DGKB: variants seen among roughly 807,000 people sequenced by gnomAD.
DGKB encodes 90 kDa diacylglycerol kinase.
In DGKB, 67 loss-of-function variants were observed where a neutral mutation model predicts 114.3. That is an observed-to-expected ratio of 0.59 (90% CI 0.48 to 0.72). DGKB has a LOEUF of 0.72. Among genes scored for constraint, DGKB ranks in the 30% least tolerant of loss-of-function variants. DGKB has a pLI of 0.00. For synonymous variants in DGKB, 398 were observed against 323.1 expected (o/e 1.23, Z -2.49); for missense variants, 907 against 975.2 (o/e 0.93, Z 0.93).
At chr7:14,306,842 G>C (rs769565000) in intron 23 of DGKB, among the ~76,000 whole-genome samples, 1 of 152,106 alleles carries the variant, frequency 6.6e-6, no homozygotes, top group Non-Finnish European at 1.5e-5. Flanking sequence ...TTCATGCTAC[G>C]ATGCTTTTGG....
intron 2 of DGKB, among the ~76,000 whole-genome samples, chr7:14,804,366 C>G (rs1264940099): frequency 6.6e-6 from 1 of 151,904 alleles, no homozygotes; most frequent in African/African-American, 2.4e-5. Context: ...TTTGCAGTTT[C>G]AGCATGATAG....
chr7:14,391,083 C>T (rs1821231646), intron 21 of DGKB, among the ~76,000 whole-genome samples: 1 of 152,074 alleles, frequency 6.6e-6, no homozygotes, highest in African/African-American at 2.4e-5. Flanking sequence ...AGTTTGTATT[C>T]AATTTGATAC....
intron 20 of DGKB, among the ~76,000 whole-genome samples, chr7:14,529,069 TA>T (rs1208134890): frequency 6.6e-6 from 1 of 151,634 alleles, no homozygotes; most frequent in Non-Finnish European, 1.5e-5. Context: ...ATTTTCTTCC[TA>T]AAATAATGAA....
At chr7:14,677,284 T>C (rs1820037762) in intron 12 of DGKB, among the ~76,000 whole-genome samples, 1 of 151,898 alleles carries the variant, frequency 6.6e-6, no homozygotes, top group East Asian at 1.9e-4. Context: ...TAAGTGTTCA[T>C]AGGAATTTAG....
chr7:14,755,253 A>C, intron 3 of DGKB, among the ~76,000 whole-genome samples: 1 of 152,102 alleles, frequency 6.6e-6, no homozygotes, highest in East Asian at 1.9e-4. Context: ...TTTTTTCTCT[A>C]TTAAAATAGA....
At chr7:14,392,997 T>TTTTG (rs1194161555) in intron 21 of DGKB, among the ~76,000 whole-genome samples, 3 of 87,586 alleles carry the variant, frequency 3.4e-5, no homozygotes, top group Non-Finnish European at 7.6e-5. Flanking sequence ...TTGTTTTTGT[T>TTTTG]TTTTTTTTTT....
At chr7:14,189,227 G>A (rs1783946680) in intron 23 of DGKB, among the ~76,000 whole-genome samples, 1 of 152,060 alleles carries the variant, frequency 6.6e-6, no homozygotes, top group Non-Finnish European at 1.5e-5. Context: ...AATGGCAAAG[G>A]AACACACCAC....
chr7:14,691,174 C>A (rs943286067), intron 9 of DGKB, among the ~76,000 whole-genome samples: 1 of 152,092 alleles, frequency 6.6e-6, no homozygotes, highest in Non-Finnish European at 1.5e-5. Flanking sequence ...AAATGTTGTG[C>A]CTTACATTAG....
At chr7:14,730,141 C>T (rs1024680230) in intron 5 of DGKB, among the ~76,000 whole-genome samples, 2 of 152,134 alleles carry the variant, frequency 1.3e-5, no homozygotes, top group Admixed American at 1.3e-4. Context: ...TACTATATTA[C>T]GTCCTATTTT....
At chr7:14,403,333 A>G (rs946716129) in intron 21 of DGKB, among the ~76,000 whole-genome samples, 1 of 151,902 alleles carries the variant, frequency 6.6e-6, no homozygotes, top group Non-Finnish European at 1.5e-5. Context: ...CCTCTAGCTT[A>G]TACAGGCATG....
intron 23 of DGKB, among the ~76,000 whole-genome samples, chr7:14,248,124 T>A (rs547866061): frequency 6.6e-6 from 1 of 152,242 alleles, no homozygotes; most frequent in East Asian, 1.9e-4. Flanking sequence ...CCTGATTATG[T>A]GTTCTTGGCA....
chr7:14,928,850 C>A (rs2128249978), intron 1 of DGKB, among the ~76,000 whole-genome samples: 1 of 151,978 alleles, frequency 6.6e-6, no homozygotes, highest in South Asian at 2.1e-4. Flanking sequence ...ATCTGAGTCT[C>A]CATTGTCTAT....
At chr7:14,542,824 A>T (rs902122365) in intron 20 of DGKB, among the ~76,000 whole-genome samples, 24 of 152,292 alleles carry the variant, frequency 1.6e-4, no homozygotes, top group African/African-American at 5.8e-4. Flanking sequence ...TTGTTACTCA[A>T]ATAAAATGCC....
At chr7:14,174,861 T>G (rs1173961350) in intron 25 of DGKB, among the ~76,000 whole-genome samples, 1 of 152,072 alleles carries the variant, frequency 6.6e-6, no homozygotes, top group Non-Finnish European at 1.5e-5. Flanking sequence ...AATTTAGAAG[T>G]GTCATTTGGA....
intron 23 of DGKB, among the ~76,000 whole-genome samples, chr7:14,315,030 C>T (rs1194908295): frequency 6.6e-6 from 1 of 151,798 alleles, no homozygotes; most frequent in Non-Finnish European, 1.5e-5. Context: ...TGCAGCCAAA[C>T]TAAGCTTCAA....
At chr7:14,304,627 T>A (rs533932165) in intron 23 of DGKB, among the ~76,000 whole-genome samples, 2 of 152,304 alleles carry the variant, frequency 1.3e-5, no homozygotes, top group Non-Finnish European at 2.9e-5. Flanking sequence ...TAGGTAAGCA[T>A]TGCCGATTTA....
chr7:14,471,457 C>A, intron 21 of DGKB, among the ~76,000 whole-genome samples: 1 of 143,576 alleles, frequency 7.0e-6, no homozygotes. Context: ...AGTTCAATAC[C>A]ATCAACACAT....
intron 4 of DGKB, among the ~76,000 whole-genome samples, chr7:14,750,700 G>A (rs754160806): frequency 3.6e-4 from 55 of 150,688 alleles, no homozygotes; most frequent in Non-Finnish European, 6.6e-4. Context: ...CTTAAAATTC[G>A]TAGACATTCT....
At chr7:14,912,824 C>T (rs1784061614) in intron 1 of DGKB, among the ~76,000 whole-genome samples, 3 of 152,154 alleles carry the variant, frequency 2.0e-5, no homozygotes, top group Admixed American at 6.5e-5. Flanking sequence ...TCCCATACGT[C>T]TACCTCTTAC....
Sources: allele counts gnomAD v4.1 joint callset (sites outside exome capture counted in the v4.1 genomes callset), GRCh38; gene constraint gnomAD v4.1.1; transcripts MANE v1.5; gene names NCBI Gene and HGNC (gene_info 2026-07-23, HGNC 2026-07-21).